Variants in PTPN12 observed in about 807,000 individuals in gnomAD.
PTPN12 encodes tyrosine-protein phosphatase non-receptor type 12.
Under a neutral mutation model 97.6 loss-of-function variants are expected in PTPN12, and 29 were observed. That is an observed-to-expected ratio of 0.30 (90% CI 0.22 to 0.41). PTPN12 has a LOEUF of 0.41. PTPN12 is among the 10% of genes least tolerant of loss of function. PTPN12 has a pLI of 1.00. For missense variants in PTPN12, 819 were observed against 926.0 expected, an observed-to-expected ratio of 0.88 and a Z score of 1.50; for synonymous variants, 327 against 300.4, an observed-to-expected ratio of 1.09 and a Z score of -0.91.
intron 6 of PTPN12, among the ~76,000 whole-genome samples, chr7:77,596,827 C>T (rs1201374329): frequency 2.0e-5 from 3 of 152,146 alleles, no homozygotes; most frequent in Non-Finnish European, 4.4e-5. Flanking sequence ...ATCAACATTC[C>T]CTACCAGAGC....
At chr7:77,573,105 CAAA>C (rs1188949235) in intron 2 of PTPN12, among the ~76,000 whole-genome samples, 2 of 47,844 alleles carry the variant, frequency 4.2e-5, no homozygotes, top group Non-Finnish European at 7.3e-5. Context: ...AACAAAAAAA[CAAA>C]AAAAACCAGT....
chr7:77,581,855 T>A (rs1314878274), intron 3 of PTPN12, among the ~76,000 whole-genome samples: 1 of 152,186 alleles, frequency 6.6e-6, no homozygotes, highest in Non-Finnish European at 1.5e-5. Context: ...TCCAAATTTT[T>A]AAAATGATAA....
chr7:77,628,670 T>G (rs1442337432), intron 13 of PTPN12, among the ~76,000 whole-genome samples: 3 of 151,534 alleles, frequency 2.0e-5, no homozygotes, highest in Non-Finnish European at 2.9e-5. Flanking sequence ...CCCAAGTAGC[T>G]GGGATTACAG....
chr7:77,567,528 A>G (rs1808313202), intron 1 of PTPN12, among the ~76,000 whole-genome samples: 1 of 152,048 alleles, frequency 6.6e-6, no homozygotes, highest in African/African-American at 2.4e-5. Flanking sequence ...TTATCATGGG[A>G]TTTTTTTTAA....
chr7:77,572,481 T>G (rs1768510779), intron 2 of PTPN12, among the ~76,000 whole-genome samples: 1 of 152,216 alleles, frequency 6.6e-6, no homozygotes, highest in Non-Finnish European at 1.5e-5. Context: ...ACCTCTTCCC[T>G]CTCATCTCTT....
intron 13 of PTPN12, among the ~76,000 whole-genome samples, chr7:77,628,442 G>A (rs900945279): frequency 6.6e-6 from 1 of 152,076 alleles, no homozygotes; most frequent in Non-Finnish European, 1.5e-5. Context: ...AAATTTGAAA[G>A]CTGTTTATTG....
chr7:77,601,030 A>G (rs781624044), intron 8 of PTPN12: 5 of 463,648 alleles, frequency 1.1e-5, no homozygotes, highest in South Asian at 3.0e-5. Flanking sequence ...TAGTATTCAC[A>G]TGGTGGGAAG....
chr7:77,629,032 C>T (rs1276014602), intron 13 of PTPN12, among the ~76,000 whole-genome samples: 1 of 152,198 alleles, frequency 6.6e-6, no homozygotes, highest in Non-Finnish European at 1.5e-5. Flanking sequence ...TCACTGCAAC[C>T]TCCGCCTCCT....
At chr7:77,541,712 A>G (rs1395043237) in intron 1 of PTPN12, among the ~76,000 whole-genome samples, 5 of 152,104 alleles carry the variant, frequency 3.3e-5, no homozygotes, top group African/African-American at 1.2e-4. Context: ...CTTGATTACT[A>G]TTGAGGATAG....
intron 12 of PTPN12, among the ~76,000 whole-genome samples, chr7:77,620,555 A>G (rs1163227774): frequency 6.6e-6 from 1 of 152,272 alleles, no homozygotes; most frequent in African/African-American, 2.4e-5. Context: ...GTTCCAACAT[A>G]ACTGAAAATA....
At chr7:77,543,103 T>C (rs1239405622) in intron 1 of PTPN12, among the ~76,000 whole-genome samples, 1 of 152,156 alleles carries the variant, frequency 6.6e-6, no homozygotes, top group African/African-American at 2.4e-5. Context: ...AAAGGAGTTA[T>C]TACCAGAGTC....
chr7:77,576,567 C>T (rs1007305637), intron 2 of PTPN12, among the ~76,000 whole-genome samples: 8 of 152,024 alleles, frequency 5.3e-5, no homozygotes, highest in Non-Finnish European at 1.0e-4. Context: ...CATGATGGCA[C>T]GTGCCTGTAG....
intron 1 of PTPN12, among the ~76,000 whole-genome samples, chr7:77,563,646 A>G (rs771344841): frequency 6.6e-6 from 1 of 152,210 alleles, no homozygotes; most frequent in African/African-American, 2.4e-5. Context: ...CAAGACTCAT[A>G]AGACTGGCCC....
chr7:77,571,225 C>CTAATTA (rs1477875966), intron 2 of PTPN12, 39 bp downstream of exon 2: 1 of 1,284,810 alleles, frequency 7.8e-7, no homozygotes, highest in African/African-American at 1.5e-5. Context: ...CATAGAAATG[C>CTAATTA]TAATTAGCCT....
At chr7:77,630,082 A>G (rs570377222) in intron 13 of PTPN12, among the ~76,000 whole-genome samples, 9 of 152,214 alleles carry the variant, frequency 5.9e-5, no homozygotes, top group African/African-American at 2.2e-4. Flanking sequence ...AACCTTAACT[A>G]TGTTATTGGT....
Position 77,629,874 on chromosome 7 carries a change from A to G in PTPN12, c.1996+2199A>G, listed in dbSNP as rs1789336216. Among the ~76,000 whole-genome samples, 3 of 151,772 alleles carry G rather than the reference A, an allele frequency of 2.0e-5. No homozygotes were observed. The South Asian group carries it at 6.3e-4, about 32-fold the overall frequency. On this transcript the variant is annotated intron_variant, in intron 13 of 17. Transcript: ENST00000248594. ...GAAGATCACTTGAGCCTAGGAGCTCAAGGCTGCAGTGAGCCATAATTGCGT... is the reference window on the plus strand; with the variant it reads ...GAAGATCACTTGAGCCTAGGAGCTCGAGGCTGCAGTGAGCCATAATTGCGT...
intron 1 of PTPN12, among the ~76,000 whole-genome samples, 163 bp downstream of exon 1, chr7:77,537,808 C>T (rs1310426232): frequency 6.6e-6 from 1 of 151,990 alleles, no homozygotes; most frequent in East Asian, 1.9e-4. Flanking sequence ...CAGCGGGAGG[C>T]GAGAGCGCCT....
At chr7:77,585,328 G>A in intron 4 of PTPN12, 1 of 426,834 alleles carries the variant, frequency 2.3e-6, no homozygotes, top group Non-Finnish European at 4.1e-6. Context: ...ATGTTAATTG[G>A]AACCAATTTA....
chr7:77,554,980 G>A (rs1447749298), intron 1 of PTPN12, among the ~76,000 whole-genome samples: 1 of 152,086 alleles, frequency 6.6e-6, no homozygotes, highest in East Asian at 1.9e-4. Context: ...GAACCACCTT[G>A]CCCAGCCTTA....
Sources: gnomAD v4.1 joint callset for allele counts (sites outside exome capture counted in the v4.1 genomes callset) on GRCh38, gnomAD v4.1.1 for gene constraint, MANE v1.5 for transcripts, NCBI Gene and HGNC (gene_info 2026-07-23, HGNC 2026-07-21) for gene names.